The following HS6ST1 variants were observed in gnomAD, a reference collection of about 807,000 sequenced individuals.
HS6ST1 encodes heparan sulfate 6-O-sulfotransferase 1.
Under a neutral mutation model 25.2 loss-of-function variants are expected in HS6ST1, and 3 were observed. The ratio of observed to expected loss-of-function variants is 0.12; its 90% CI spans 0.05 to 0.31. HS6ST1 has a LOEUF of 0.31. Among genes scored for constraint, HS6ST1 ranks in the 10% least tolerant of loss-of-function variants. The pLI is 1.00. For synonymous variants in HS6ST1, 204 were observed against 275.1 expected (o/e 0.74, Z 2.56); for missense variants, 310 against 609.6 (o/e 0.51, Z 5.18).
chr2:128,292,993 C>T (rs957304147), intron 1 of HS6ST1, among the ~76,000 whole-genome samples: 2 of 152,152 alleles, frequency 1.3e-5, no homozygotes, highest in East Asian at 3.9e-4. Context: ...GGAGACCACC[C>T]TGGGTCTGGG....
chr2:128,279,437 G>T (rs1365540968), intron 1 of HS6ST1, among the ~76,000 whole-genome samples: 1 of 151,740 alleles, frequency 6.6e-6, no homozygotes, highest in Non-Finnish European at 1.5e-5. Flanking sequence ...GTCCTTGGGG[G>T]GCCGGCTTCA....
chr2:128,278,439 G>T (rs948854919), intron 1 of HS6ST1, among the ~76,000 whole-genome samples: 2 of 152,212 alleles, frequency 1.3e-5, no homozygotes, highest in Non-Finnish European at 2.9e-5. Context: ...CCTGGTGAGG[G>T]GCTGGTGCAG....
intron 1 of HS6ST1, among the ~76,000 whole-genome samples, chr2:128,301,193 A>C: frequency 1.4e-5 from 2 of 145,026 alleles, no homozygotes; most frequent in African/African-American, 2.6e-5. Context: ...GGCTCTAGCC[A>C]CTCCTCTGTG....
chr2:128,273,833 C>T (rs760748051), intron 1 of HS6ST1, among the ~76,000 whole-genome samples: 1 of 152,206 alleles, frequency 6.6e-6, no homozygotes, highest in Admixed American at 6.5e-5. Flanking sequence ...CGGGGTGTGG[C>T]GAGGTGCAGA....
chr2:128,274,267 G>C (rs1281024161), intron 1 of HS6ST1, among the ~76,000 whole-genome samples: 3 of 152,120 alleles, frequency 2.0e-5, no homozygotes, highest in South Asian at 4.1e-4. Flanking sequence ...AATGAATGTG[G>C]GGAATGAACA....
chr2:128,290,516 G>A lies in HS6ST1; in HGVS notation c.528-21646C>T, dbSNP rs112011864. Among the ~76,000 whole-genome samples, 32 of 152,146 alleles carry A rather than the reference G, an allele frequency of 2.1e-4. 3 individuals carry two copies. Among genetic ancestry groups the A allele is most frequent in the African/African-American group, 6.5e-4 (27 of 41,496 alleles). On this transcript the variant is annotated intron_variant, in intron 1 of 1. Transcript: ENST00000259241. ...GAGCATATAAAAGATATTACACTAC[G>A]ACCATACTTAGTAACCCCAGGTATG...
intron 1 of HS6ST1, among the ~76,000 whole-genome samples, chr2:128,310,815 G>A (rs1694279372): frequency 6.6e-6 from 1 of 152,140 alleles, no homozygotes; most frequent in Non-Finnish European, 1.5e-5. Context: ...CAGGAAAGGG[G>A]CACTTTCAGG....
intron 1 of HS6ST1, among the ~76,000 whole-genome samples, chr2:128,294,102 C>G (rs952765414): frequency 5.3e-5 from 8 of 152,192 alleles, no homozygotes; most frequent in African/African-American, 1.9e-4. Context: ...AGACCCTCTG[C>G]TGGAAACCTG....
intron 1 of HS6ST1, among the ~76,000 whole-genome samples, chr2:128,276,279 A>T (rs72967036): frequency 6.6e-6 from 1 of 152,072 alleles, no homozygotes; most frequent in Non-Finnish European, 1.5e-5. Context: ...TCGTGGTGGC[A>T]TGCACCACCA....
chr2:128,303,623 G>C (rs900968371), intron 1 of HS6ST1, among the ~76,000 whole-genome samples: 1 of 152,206 alleles, frequency 6.6e-6, no homozygotes, highest in African/African-American at 2.4e-5. Flanking sequence ...CTTGCCACCT[G>C]TTGGCCAACA....
At position 128,266,331 on chromosome 2, in the gene HS6ST1, G is replaced by A. The variant is rs1322503668; in HGVS notation, c.*1831C>T. On this transcript the variant is annotated 3_prime_UTR_variant, in exon 2 of 2. Coordinates refer to ENST00000259241, the MANE Select transcript of HS6ST1 (RefSeq NM_004807.3). Reference sequence around the variant, plus strand: ...CATTGACCCTGACCTCCCTTTGAAAGAACCACACCACTAAATCCCCTTGGC... The same window carrying A: ...CATTGACCCTGACCTCCCTTTGAAAAAACCACACCACTAAATCCCCTTGGC... 1 of 152,386 alleles carries A rather than the reference G, an allele frequency of 6.6e-6. No individual in the cohort carries two copies. The highest frequency in any genetic ancestry group is 2.4e-5 in the African/African-American group (1 of 41,460). 9.4% of individuals were successfully genotyped at this position (152,386 alleles called of 1,614,324 possible).
chr2:128,312,768 A>C (rs2104938026), intron 1 of HS6ST1, among the ~76,000 whole-genome samples: 1 of 152,330 alleles, frequency 6.6e-6, no homozygotes. Context: ...TTTAAAAAAA[A>C]ATTCACAATA....
At chr2:128,281,206 G>A (rs1248554783) in intron 1 of HS6ST1, among the ~76,000 whole-genome samples, 1 of 152,228 alleles carries the variant, frequency 6.6e-6, no homozygotes, top group Non-Finnish European at 1.5e-5. Context: ...GCTGGTGCCT[G>A]CTGGCCTCAT....
intron 1 of HS6ST1, among the ~76,000 whole-genome samples, chr2:128,269,461 G>A (rs1050549143): frequency 2.6e-5 from 4 of 152,134 alleles, no homozygotes; most frequent in Admixed American, 6.5e-5. Flanking sequence ...AGTATGTAAC[G>A]GTGCGTGCAC....
At chr2:128,271,786 C>A in intron 1 of HS6ST1, among the ~76,000 whole-genome samples, 1 of 152,208 alleles carries the variant, frequency 6.6e-6, no homozygotes, top group East Asian at 1.9e-4. Flanking sequence ...CCCCGATTGA[C>A]CCGAGGGCTT....
At chr2:128,273,412 C>A (rs1301095995) in intron 1 of HS6ST1, among the ~76,000 whole-genome samples, 1 of 152,252 alleles carries the variant, frequency 6.6e-6, no homozygotes, top group African/African-American at 2.4e-5. Flanking sequence ...CTGCCCCTTT[C>A]TGCAGATGTG....
At position 128,318,115 on chromosome 2, in the gene HS6ST1, T is replaced by C; in HGVS notation, c.449A>G (p.His150Arg). ...GTTGGTGAGCTCGGTCCAGTCGGCGTGCAGCCCGCAGCTCCAGCCGGTGGA... is the reference window on the plus strand; with the variant it reads ...GTTGGTGAGCTCGGTCCAGTCGGCGCGCAGCCCGCAGCTCCAGCCGGTGGA... ...RFSTGWSCGL[H>R]ADWTELTNCV... Residue 150 changes from histidine to arginine, a missense_variant, in exon 1 of 2, where the codon CAC (histidine) becomes CGC (arginine). Physicochemically the swap from His to Arg is conservative, Grantham distance 29. This residue lies in a region of HS6ST1 where 98 missense variants were observed against 270.3 expected (regional missense o/e 0.36). Coordinates refer to ENST00000259241, the MANE Select transcript of HS6ST1 (RefSeq NM_004807.3). The surrounding 1 kb of genome is among the most constrained non-coding windows in gnomAD (Gnocchi z 5.7). 1 of 1,526,724 alleles carries C rather than the reference T, an allele frequency of 6.5e-7. No individual in the cohort carries two copies. The highest frequency in any genetic ancestry group is 1.2e-5 in the South Asian group (1 of 83,072). 94.6% of individuals were successfully genotyped at this position (1,526,724 alleles called of 1,614,324 possible). A position where few individuals can be genotyped will look rare whatever the true frequency, so the allele number is the denominator to read the frequency against.
At chr2:128,272,480 C>T (rs570170883) in intron 1 of HS6ST1, among the ~76,000 whole-genome samples, 1 of 152,342 alleles carries the variant, frequency 6.6e-6, no homozygotes, top group East Asian at 1.9e-4. Context: ...GACCTACTGA[C>T]CATCACGGGT....
At chr2:128,297,640 C>A (rs530536953) in intron 1 of HS6ST1, among the ~76,000 whole-genome samples, 1 of 152,174 alleles carries the variant, frequency 6.6e-6, no homozygotes, top group South Asian at 2.1e-4. Flanking sequence ...TCGAGACCAG[C>A]CTGACCAACA....
Sources: gnomAD v4.1 joint callset for allele counts (sites outside exome capture counted in the v4.1 genomes callset) on GRCh38, gnomAD v4.1.1 for gene constraint, gnomAD v4.1.1 regional missense constraint, Gnocchi (gnomAD v3.1) non-coding constraint, MANE v1.5 for transcripts, NCBI Gene and HGNC (gene_info 2026-07-23, HGNC 2026-07-21) for gene names.